Variants in CHST9 observed in about 807,000 individuals in gnomAD.
The protein encoded by CHST9 is GalNAc-4-sulfotransferase 2.
A neutral mutation model predicts 44.4 loss-of-function variants in CHST9; 41 were observed. The ratio of observed to expected loss-of-function variants is 0.92; its 90% CI spans 0.72 to 1.20. The LOEUF (loss-of-function observed/expected upper bound fraction) is 1.20. CHST9 is among the 50% of genes most tolerant of loss of function. CHST9 has a pLI of 0.00. For missense variants in CHST9, 504 were observed against 516.5 expected, an observed-to-expected ratio of 0.98 and a Z score of 0.23; for synonymous variants, 171 against 178.4, an observed-to-expected ratio of 0.96 and a Z score of 0.33.
intron 1 of CHST9, among the ~76,000 whole-genome samples, chr18:27,164,439 A>G (rs2058774587): frequency 6.6e-6 from 1 of 152,034 alleles, no homozygotes; most frequent in South Asian, 2.1e-4. Flanking sequence ...AAGATGGAAA[A>G]TTGAAGAGGA....
chr18:27,169,253 A>C (rs1220296344), intron 1 of CHST9, among the ~76,000 whole-genome samples: 1 of 152,204 alleles, frequency 6.6e-6, no homozygotes, highest in Admixed American at 6.5e-5. Context: ...CAGCAATAGA[A>C]AACTAATACA....
chr18:27,076,762 C>T (rs1308938164), intron 2 of CHST9, among the ~76,000 whole-genome samples: 1 of 152,156 alleles, frequency 6.6e-6, no homozygotes, highest in South Asian at 2.1e-4. Context: ...TCTCCTCATC[C>T]ACCATCAGGC....
chr18:26,964,052 ATTAAT>A (rs1031555580), intron 4 of CHST9, among the ~76,000 whole-genome samples: 1 of 152,238 alleles, frequency 6.6e-6, no homozygotes, highest in African/African-American at 2.4e-5. Flanking sequence ...AGCATTTTTG[ATTAAT>A]TTAAAGGAAA....
intron 1 of CHST9, among the ~76,000 whole-genome samples, chr18:27,161,789 C>G (rs9748390): frequency 0.41 from 62,225 of 151,692 alleles, 13,182 homozygotes; most frequent in East Asian, 0.62. Flanking sequence ...AATCTGGGTG[C>G]TCCTGTATTG....
intron 2 of CHST9, among the ~76,000 whole-genome samples, chr18:27,064,316 C>T (rs2057758174): frequency 6.6e-6 from 1 of 151,918 alleles, no homozygotes; most frequent in Non-Finnish European, 1.5e-5. Flanking sequence ...TTTCCTGGAG[C>T]CAGCATGATG....
intron 4 of CHST9, among the ~76,000 whole-genome samples, chr18:26,969,360 TTC>T (rs139727723): frequency 0.1 from 13,210 of 128,434 alleles, 1,398 homozygotes; most frequent in African/African-American, 0.29. Context: ...CCTTTTTTGA[TTC>T]TCTCTCTCTC....
At chr18:26,972,402 A>G (rs1267143765) in intron 4 of CHST9, among the ~76,000 whole-genome samples, 1 of 149,526 alleles carries the variant, frequency 6.7e-6, no homozygotes, top group African/African-American at 2.5e-5. Flanking sequence ...ATAGATGGTG[A>G]CATTGAGCAA....
chr18:27,059,678 T>TA (rs2143607631), intron 2 of CHST9, among the ~76,000 whole-genome samples: 1 of 152,320 alleles, frequency 6.6e-6, no homozygotes, highest in Non-Finnish European at 1.5e-5. Flanking sequence ...CCCACACTCT[T>TA]AATCATCATC....
chr18:27,060,867 T>A (rs545326114), intron 2 of CHST9, among the ~76,000 whole-genome samples: 1 of 152,358 alleles, frequency 6.6e-6, no homozygotes, highest in East Asian at 1.9e-4. Context: ...GCTCAAGCAA[T>A]CTTCCTGCCT....
At chr18:27,090,155 G>A (rs537597237) in intron 2 of CHST9, among the ~76,000 whole-genome samples, 7 of 152,224 alleles carry the variant, frequency 4.6e-5, no homozygotes, top group Admixed American at 3.3e-4. Flanking sequence ...GTGTGAGATG[G>A]TATCTCATTG....
intron 4 of CHST9, among the ~76,000 whole-genome samples, chr18:27,009,405 T>C (rs2057056229): frequency 6.6e-6 from 1 of 152,210 alleles, no homozygotes; most frequent in Admixed American, 6.5e-5. Flanking sequence ...CATTATTGCT[T>C]AATGAATGCT....
intron 2 of CHST9, among the ~76,000 whole-genome samples, chr18:27,070,107 A>C (rs1305504368): frequency 6.6e-6 from 1 of 152,228 alleles, no homozygotes; most frequent in East Asian, 1.9e-4. Context: ...GATAATGCCC[A>C]TTCAAGAATA....
At position 26,909,252 on chromosome 18, in the gene CHST9, A is replaced by C. The variant is rs1267525909; in HGVS notation, c.*7007T>G. ...CTGAGAGTTGTTAACTTTTCAACAC[A>C]GTGACAGAATGAAAAGAGCAGGTTG... On this transcript the variant is annotated 3_prime_UTR_variant, in exon 6 of 6. Coordinates refer to ENST00000618847, the MANE Select transcript of CHST9 (RefSeq NM_031422.6). 6.6e-6 allele frequency: 1 copy of C among 152,244 alleles called. No individual in the cohort carries two copies. Among genetic ancestry groups the C allele is most frequent in the African/African-American group, 2.4e-5 (1 of 41,458 alleles). The allele number at this position is 152,244 out of a possible 1,614,324, so 9.4% of individuals were successfully genotyped here.
At chr18:27,068,318 C>T (rs1044674059) in intron 2 of CHST9, among the ~76,000 whole-genome samples, 37 of 151,686 alleles carry the variant, frequency 2.4e-4, no homozygotes, top group African/African-American at 8.7e-4. Context: ...GAGTTTTGAG[C>T]TATTCATTTA....
At chr18:27,166,911 G>C (rs1489525463) in intron 1 of CHST9, among the ~76,000 whole-genome samples, 2 of 152,186 alleles carry the variant, frequency 1.3e-5, no homozygotes, top group Admixed American at 6.5e-5. Context: ...CATATGTACT[G>C]AATTAGACAA....
intron 3 of CHST9, among the ~76,000 whole-genome samples, chr18:27,045,334 T>A (rs1247705281): frequency 3.3e-5 from 5 of 152,186 alleles, no homozygotes; most frequent in South Asian, 2.1e-4. Flanking sequence ...TAATTTATAA[T>A]CCACTTTTCT....
rs143852191 is a variant in CHST9, at chr18:27,128,355, C to T, written c.121+14334G>A. On this transcript the variant is annotated intron_variant, in intron 2 of 5. Coordinates refer to ENST00000618847, the MANE Select transcript of CHST9 (RefSeq NM_031422.6). ...CGCGATCTTGGCTCACTGCAACCTC[C>T]GCCTCCCAGGTTCAAGCAATGCTCC... Among the ~76,000 whole-genome samples, 457 of 152,228 alleles carry T rather than the reference C, an allele frequency of 3.0e-3. 10 individuals carry two copies. In the East Asian group the frequency reaches 0.067, roughly 22 times the overall value.
chr18:27,169,598 CTTTTTTTTTTTTT>C (rs1156859087), intron 1 of CHST9, among the ~76,000 whole-genome samples: 2 of 82,160 alleles, frequency 2.4e-5, no homozygotes, highest in South Asian at 5.7e-4. Flanking sequence ...ATATATTCTT[CTTTTTTTTTTTTT>C]TTTTTTTTTT....
intron 3 of CHST9, 70 bp from the exon 4 acceptor site, chr18:27,024,227 CA>C (rs1325568228): frequency 1.6e-6 from 2 of 1,262,542 alleles, no homozygotes; most frequent in Non-Finnish European, 1.1e-6. Flanking sequence ...ACTTTCTACA[CA>C]AAGATGCCTC....
Sources: allele counts gnomAD v4.1 joint callset (sites outside exome capture counted in the v4.1 genomes callset), GRCh38; gene constraint gnomAD v4.1.1; transcripts MANE v1.5; gene names NCBI Gene and HGNC (gene_info 2026-07-23, HGNC 2026-07-21).